Variants in TRAPPC9 observed in about 807,000 individuals in gnomAD.
TRAPPC9 encodes the protein IKK2 binding protein.
TRAPPC9 carries 83 observed loss-of-function variants against 124.0 expected under a neutral mutation model. The observed-to-expected ratio is 0.67, with a 90% confidence interval of 0.56 to 0.80. The LOEUF (loss-of-function observed/expected upper bound fraction) is 0.80, where lower values mean the gene tolerates loss of function less well. TRAPPC9 is among the 30% of genes least tolerant of loss of function. TRAPPC9 has a pLI of 0.00. For missense variants in TRAPPC9, 1,302 were observed against 1,508.3 expected (o/e 0.86, Z 2.27); for synonymous variants, 638 against 617.5 (o/e 1.03, Z -0.49).
chr8:139,981,799 GC>G (rs1001675530), intron 19 of TRAPPC9, among the ~76,000 whole-genome samples: 1 of 152,180 alleles, frequency 6.6e-6, no homozygotes, highest in Non-Finnish European at 1.5e-5. Flanking sequence ...GCTCTTCCCT[GC>G]CCCTCTCGCA....
chr8:140,035,560 G>A (rs570246931), intron 17 of TRAPPC9, among the ~76,000 whole-genome samples: 8 of 152,316 alleles, frequency 5.3e-5, no homozygotes, highest in South Asian at 2.1e-4. Flanking sequence ...TGGGAGCTGC[G>A]CACACTGGGT....
rs73357176 is a variant in TRAPPC9, at chr8:140,036,354, G to A, written c.2557-12275C>T. On this transcript the variant is annotated intron_variant, in intron 17 of 22. Transcript: ENST00000438773. The stretch of plus-strand genomic sequence containing the variant: ...CTGATGGGGACGTGTTCGGGGGGTG[G>A]CATGGAGTGAACATTGACGGTCAGG... Among the ~76,000 whole-genome samples, 198 of 152,272 alleles carry A rather than the reference G, an allele frequency of 1.3e-3. 2 individuals carry two copies. Among genetic ancestry groups the A allele is most frequent in the African/African-American group, 4.6e-3 (190 of 41,554 alleles).
chr8:139,887,736 A>G (rs1357784566), intron 20 of TRAPPC9, among the ~76,000 whole-genome samples: 5 of 152,170 alleles, frequency 3.3e-5, no homozygotes, highest in Admixed American at 6.5e-5. Flanking sequence ...AACCTGTGCT[A>G]GACACGGTCA....
At chr8:140,117,498 A>T (rs952426629) in intron 17 of TRAPPC9, among the ~76,000 whole-genome samples, 1 of 152,168 alleles carries the variant, frequency 6.6e-6, no homozygotes, top group African/African-American at 2.4e-5. Context: ...GGTTCCTCAC[A>T]TGACAGTAAG....
Position 140,419,428 on chromosome 8 carries a change from C to CAAAA in TRAPPC9, c.886+7183_886+7186dup, listed in dbSNP as rs61155157. On this transcript the variant is annotated intron_variant, in intron 5 of 22. Coordinates refer to ENST00000438773, the MANE Select transcript of TRAPPC9 (RefSeq NM_001160372.4). ...TGGGCGACAGAGTGAGACTCCGTCTCAAAAAAAAAAAAAAAAAAAAAAAAC... is the reference window on the plus strand; with the variant it reads ...TGGGCGACAGAGTGAGACTCCGTCTCAAAAAAAAAAAAAAAAAAAAAAAAAAAAC... Among the ~76,000 whole-genome samples, 589 of 79,426 alleles carry CAAAA rather than the reference C, an allele frequency of 7.4e-3. 3 individuals are homozygous for CAAAA. Among genetic ancestry groups the CAAAA allele is most frequent in the East Asian group, 0.012 (19 of 1,644 alleles). 52.1% of individuals were successfully genotyped at this position (79,426 alleles called of 152,430 possible).
chr8:139,761,542 A>G (rs1820225665), intron 21 of TRAPPC9, among the ~76,000 whole-genome samples: 1 of 151,778 alleles, frequency 6.6e-6, no homozygotes, highest in African/African-American at 2.4e-5. Context: ...TCCCAACCCC[A>G]CACCCTGCCT....
intron 21 of TRAPPC9, among the ~76,000 whole-genome samples, chr8:139,805,314 C>T (rs1823971428): frequency 6.6e-6 from 1 of 152,194 alleles, no homozygotes; most frequent in Non-Finnish European, 1.5e-5. Flanking sequence ...CCAGGCCATG[C>T]ACAGGCATCC....
Position 140,020,894 on chromosome 8 carries a change from C to A in TRAPPC9, c.2699+3043G>T, listed in dbSNP as rs537181322. On this transcript the variant is annotated intron_variant, in intron 18 of 22. Transcript: ENST00000438773. Reference sequence around the variant, plus strand: ...TTTTGCTGTCATTAAAAATTGTCCTCTTTTTCTCTTGAAAGTCTAACCGTT... The same window carrying A: ...TTTTGCTGTCATTAAAAATTGTCCTATTTTTCTCTTGAAAGTCTAACCGTT... 2.0e-5 allele frequency among the ~76,000 whole-genome samples: 3 copies of A among 152,262 alleles called. No individual in the cohort carries two copies. The East Asian group carries it at 5.8e-4, about 29-fold the overall frequency.
chr8:140,101,538 TTTG>T lies in TRAPPC9; in HGVS notation c.2557-77462_2557-77460del, dbSNP rs1410676291. ...GTTGGTTTTGTAGGGTTTTCTTTTTTTTGTTTTTTTTTTTTTTTTTTGAGACGT... is the reference window on the plus strand; with the variant it reads ...GTTGGTTTTGTAGGGTTTTCTTTTTTTTTTTTTTTTTTTTTTTTGAGACGT... On this transcript the variant is annotated intron_variant, in intron 17 of 22. Transcript: ENST00000438773. Among the ~76,000 whole-genome samples the T allele has an allele frequency of 1.3e-4, 17 of 134,924 alleles. 3 individuals are homozygous for T. Among genetic ancestry groups the T allele is most frequent in the East Asian group, 2.3e-4 (1 of 4,418 alleles). The allele number at this position is 134,924 out of a possible 152,430, so 88.5% of individuals were successfully genotyped here.
intron 10 of TRAPPC9, among the ~76,000 whole-genome samples, chr8:140,302,471 G>A (rs1266350471): frequency 6.6e-6 from 1 of 152,236 alleles, no homozygotes; most frequent in Non-Finnish European, 1.5e-5. Context: ...CTTAGCCTAT[G>A]AAGCTGCCAA....
At chr8:140,025,565 CAAA>C (rs11329773) in intron 17 of TRAPPC9, among the ~76,000 whole-genome samples, 17 of 123,800 alleles carry the variant, frequency 1.4e-4, no homozygotes, top group Non-Finnish European at 1.4e-4. Context: ...AAGCAAAATG[CAAA>C]AAAAAAAAAA....
chr8:140,220,527 C>T (rs1041150840), intron 17 of TRAPPC9, among the ~76,000 whole-genome samples: 4 of 152,204 alleles, frequency 2.6e-5, no homozygotes, highest in Non-Finnish European at 5.9e-5. Flanking sequence ...GAGGACTCTT[C>T]CCCTAAAACT....
intron 17 of TRAPPC9, among the ~76,000 whole-genome samples, chr8:140,083,661 T>G (rs977091777): frequency 1.2e-5 from 1 of 81,596 alleles, no homozygotes; most frequent in Non-Finnish European, 2.5e-5. Flanking sequence ...TGTTATTTTG[T>G]TTTTGTTTTT....
chr8:140,136,882 T>C (rs2061313144), intron 17 of TRAPPC9, among the ~76,000 whole-genome samples: 1 of 152,106 alleles, frequency 6.6e-6, no homozygotes, highest in Non-Finnish European at 1.5e-5. Context: ...AGACATGAGC[T>C]GACCAAGGGT....
At chr8:139,755,500 G>T (rs1450854554) in intron 21 of TRAPPC9, among the ~76,000 whole-genome samples, 1 of 143,860 alleles carries the variant, frequency 7.0e-6, no homozygotes, top group Admixed American at 6.8e-5. Flanking sequence ...CAGGGTTGGG[G>T]TATAAGGACA....
chr8:140,178,516 T>C (rs543346403), intron 17 of TRAPPC9, among the ~76,000 whole-genome samples: 1 of 152,244 alleles, frequency 6.6e-6, no homozygotes, highest in African/African-American at 2.4e-5. Flanking sequence ...TTAATAAATA[T>C]ATCATTGGAT....
intron 18 of TRAPPC9, among the ~76,000 whole-genome samples, chr8:140,022,965 C>G (rs1205113841): frequency 2.0e-5 from 3 of 152,186 alleles, no homozygotes; most frequent in African/African-American, 7.2e-5. Context: ...GATTTTATGC[C>G]AACATTAACA....
intron 21 of TRAPPC9, among the ~76,000 whole-genome samples, chr8:139,864,478 T>G (rs1301521873): frequency 1.3e-5 from 2 of 152,222 alleles, no homozygotes; most frequent in Non-Finnish European, 2.9e-5. Context: ...ATTTTCTCAT[T>G]TAAGGGATGG....
intron 17 of TRAPPC9, chr8:140,099,519 A>C (rs899408739): frequency 6.7e-6 from 1 of 149,288 alleles, no homozygotes; most frequent in Non-Finnish European, 1.5e-5. Context: ...CGGGATCCAC[A>C]AAGTAATGAC....
Sources: allele counts gnomAD v4.1 joint callset (sites outside exome capture counted in the v4.1 genomes callset), GRCh38; gene constraint gnomAD v4.1.1; transcripts MANE v1.5; gene names NCBI Gene and HGNC (gene_info 2026-07-23, HGNC 2026-07-21).